Variants in GFOD2 observed in about 807,000 individuals in gnomAD.
GFOD2 encodes the protein Gfo/Idh/MocA-like oxidoreductase domain containing 2, also known as glucose-fructose oxidoreductase domain-containing protein 2.
Under a neutral mutation model 24.6 loss-of-function variants are expected in GFOD2, and 9 were observed. The observed-to-expected ratio is 0.37, with a 90% CI of 0.22 to 0.64. GFOD2 has a LOEUF of 0.64. Among genes scored for constraint, GFOD2 ranks in the 30% least tolerant of loss-of-function variants. The pLI is 0.65. For synonymous variants in GFOD2, 211 were observed against 224.8 expected, an observed-to-expected ratio of 0.94 and a Z score of 0.55; for missense variants, 476 against 532.5, an observed-to-expected ratio of 0.89 and a Z score of 1.04.
At chr16:67,717,524 C>T (rs1246591288) in intron 1 of GFOD2, among the ~76,000 whole-genome samples, 1 of 152,166 alleles carries the variant, frequency 6.6e-6, no homozygotes, top group Non-Finnish European at 1.5e-5. Flanking sequence ...GGTGTGGTGG[C>T]TCACACCTGT....
intron 1 of GFOD2, among the ~76,000 whole-genome samples, chr16:67,711,636 C>T (rs931838712): frequency 1.3e-5 from 2 of 152,160 alleles, no homozygotes; most frequent in African/African-American, 4.8e-5. Context: ...GTTTAATAGG[C>T]ATCTCACACT....
intron 1 of GFOD2, among the ~76,000 whole-genome samples, chr16:67,687,120 C>T (rs1225052059): frequency 2.2e-5 from 3 of 136,424 alleles, no homozygotes; most frequent in Admixed American, 8.2e-5. Flanking sequence ...TGCACTCCAG[C>T]GTGTGTGACA....
chr16:67,701,317 A>C (rs1471073644), intron 1 of GFOD2, among the ~76,000 whole-genome samples: 1 of 152,240 alleles, frequency 6.6e-6, no homozygotes, highest in African/African-American at 2.4e-5. Context: ...GAATGTCTAC[A>C]GCAGCTTTAT....
intron 1 of GFOD2, among the ~76,000 whole-genome samples, chr16:67,706,221 C>A (rs562719698): frequency 6.6e-6 from 1 of 152,030 alleles, no homozygotes. Context: ...GTGAGATCTG[C>A]CTGCCTCGGC....
chr16:67,685,614 C>T lies in GFOD2; in HGVS notation c.102G>A (p.Trp34Ter). 6.2e-7 allele frequency: 1 copy of T among 1,614,172 alleles called. No homozygotes were observed. The highest frequency in any genetic ancestry group is 8.5e-7 in the Non-Finnish European group (1 of 1,180,032). The change falls in exon 2 of 3, where the codon TGG becomes TGA. Residue 34 changes from tryptophan (W) to a stop codon, truncating the protein, a stop_gained. Coordinates refer to ENST00000268797, the MANE Select transcript of GFOD2 (RefSeq NM_030819.4). LOFTEE classifies it high-confidence loss of function. Reference sequence around the variant, plus strand: ...GCTTCGCCTCCTCCTCAGTCTTCCCCCACAGGGCCTCAACAGTGAACCCTT... The same window carrying T: ...GCTTCGCCTCCTCCTCAGTCTTCCCTCACAGGGCCTCAACAGTGAACCCTT... ...RAEGFTVEAL[W>*]GKTEEEAKQL...
Position 67,714,053 on chromosome 16 carries a change from G to A in GFOD2, c.-88+5110C>T, listed in dbSNP as rs1363994946. 2.0e-5 allele frequency among the ~76,000 whole-genome samples: 3 copies of A among 152,030 alleles called. No individual in the cohort carries two copies. The East Asian group carries it at 5.8e-4, about 29-fold the overall frequency. ...ACCAACCTATTGAAATTGCATGCCA[G>A]GAAACAGAGACAGAAGACCAAATAT... On this transcript the variant is annotated intron_variant, in intron 1 of 2. Transcript: ENST00000268797.
intron 2 of GFOD2, chr16:67,676,333 G>A: frequency 2.6e-6 from 1 of 390,128 alleles, no homozygotes; most frequent in East Asian, 5.3e-5. Flanking sequence ...GTCCTCCTCT[G>A]TTGCCTAGGC....
intron 2 of GFOD2, among the ~76,000 whole-genome samples, chr16:67,680,021 A>C (rs1461546235): frequency 6.6e-6 from 1 of 152,160 alleles, no homozygotes; most frequent in Non-Finnish European, 1.5e-5. Context: ...CCAGCTTTCC[A>C]AGTAGCAAGG....
intron 1 of GFOD2, among the ~76,000 whole-genome samples, chr16:67,706,967 G>A (rs1485867454): frequency 3.3e-5 from 5 of 151,658 alleles, no homozygotes; most frequent in African/African-American, 1.2e-4. Context: ...GCTGAGGAAG[G>A]AGAATGGTGT....
chr16:67,701,434 T>C (rs114136476), intron 1 of GFOD2, among the ~76,000 whole-genome samples: 1,773 of 152,264 alleles, frequency 0.012, 29 homozygotes, highest in African/African-American at 0.035. Context: ...AGAAAGAACA[T>C]ACTACGGATA....
intron 2 of GFOD2, among the ~76,000 whole-genome samples, chr16:67,678,121 G>A (rs775134376): frequency 6.6e-6 from 1 of 152,234 alleles, no homozygotes; most frequent in African/African-American, 2.4e-5. Flanking sequence ...GCTTACAGCA[G>A]AAACAATAGT....
chr16:67,683,580 G>C, intron 2 of GFOD2: 1 of 1,231,736 alleles, frequency 8.1e-7, no homozygotes, highest in Non-Finnish European at 1.0e-6. Context: ...CTCAGAGAGA[G>C]CTCTCTGGAA....
chr16:67,714,448 A>G (rs2053494856), intron 1 of GFOD2, among the ~76,000 whole-genome samples: 1 of 150,072 alleles, frequency 6.7e-6, no homozygotes, highest in Non-Finnish European at 1.5e-5. Context: ...ACTACACTCC[A>G]GCCTGGGAGA....
At chr16:67,692,211 C>T (rs1489365104) in intron 1 of GFOD2, among the ~76,000 whole-genome samples, 1 of 143,048 alleles carries the variant, frequency 7.0e-6, no homozygotes, top group Non-Finnish European at 1.5e-5. Context: ...TGAATACAGT[C>T]ACATGAATGA....
chr16:67,719,076 G>C (rs1357180851), intron 1 of GFOD2, 87 bp downstream of exon 1: 1 of 152,272 alleles, frequency 6.6e-6, no homozygotes, highest in African/African-American at 2.4e-5. Context: ...TCCGGCGCCG[G>C]GCCGCGGAGA....
In GFOD2 at chr16:67,675,324, G is replaced by A. The variant is rs777577654; in HGVS notation, c.989C>T (p.Thr330Ile). ...GQGDRRTWDR[T>I]PVSMAASFED... ...GAAGGAGGCGGCCATGGAGACAGGG[G>A]TGCGGTCCCAGGTGCGGCGGTCGCC... Residue 330 changes from threonine to isoleucine, a missense_variant, in exon 3 of 3, where the codon ACC (threonine) becomes ATC (isoleucine). Physicochemically the swap from Thr to Ile is moderately conservative, Grantham distance 89. Transcript: ENST00000268797. The A allele has an allele frequency of 5.0e-6, 8 of 1,613,242 alleles. No individual in the cohort carries two copies. In the East Asian group the frequency reaches 1.6e-4, roughly 31 times the overall value.
chr16:67,711,111 T>C (rs2053470263), intron 1 of GFOD2, among the ~76,000 whole-genome samples: 1 of 152,232 alleles, frequency 6.6e-6, no homozygotes, highest in Non-Finnish European at 1.5e-5. Flanking sequence ...AAAAGTACAA[T>C]GTTCAGAACT....
rs189581894 is a variant in GFOD2 at position 67,704,735 on chromosome 16, T to C, written c.-88+14428A>G. Reference sequence around the variant, plus strand: ...TGTGTATAGGCACCTGACGCAGAGTTAGGCCTTAATAAATGTTAGATGATG... The same window carrying C: ...TGTGTATAGGCACCTGACGCAGAGTCAGGCCTTAATAAATGTTAGATGATG... On this transcript the variant is annotated intron_variant, in intron 1 of 2. Coordinates refer to ENST00000268797, the MANE Select transcript of GFOD2 (RefSeq NM_030819.4). Among the ~76,000 whole-genome samples, 108 of 152,354 alleles carry C rather than the reference T, an allele frequency of 7.1e-4. 1 individual carries two copies. The highest frequency in any genetic ancestry group is 1.4e-3 in the Non-Finnish European group (92 of 68,024).
chr16:67,701,036 C>CAAA (rs1196263484), intron 1 of GFOD2, among the ~76,000 whole-genome samples: 1 of 68,430 alleles, frequency 1.5e-5, no homozygotes, highest in African/African-American at 4.6e-5. Flanking sequence ...GACTCTGTCT[C>CAAA]AAAAAAAAAA....
Sources: gnomAD v4.1 joint callset for allele counts (sites outside exome capture counted in the v4.1 genomes callset) on GRCh38, gnomAD v4.1.1 for gene constraint, MANE v1.5 for transcripts, NCBI Gene and HGNC (gene_info 2026-07-23, HGNC 2026-07-21) for gene names.